FAM120C: variants seen among roughly 807,000 people sequenced by gnomAD.
FAM120C encodes the protein constitutive coactivator of PPAR-gamma-like protein 2.
A neutral mutation model predicts 71.2 loss-of-function variants in FAM120C; 14 were observed. The ratio of observed to expected loss-of-function variants is 0.20; its 90% confidence interval spans 0.13 to 0.31. The LOEUF (loss-of-function observed/expected upper bound fraction) is 0.31. Ranked by LOEUF, FAM120C falls within the 10% of genes least tolerant of loss-of-function variation. The probability of loss-of-function intolerance (pLI) is 1.00; values close to 1 mark genes in which losing one functional copy is unlikely to be tolerated. For missense variants in FAM120C, 500 were observed against 879.0 expected, an observed-to-expected ratio of 0.57 and a Z score of 5.45; for synonymous variants, 354 against 353.2, an observed-to-expected ratio of 1.00 and a Z score of -0.03.
chrX:54,177,860 G>A (rs1261539230), intron 1 of FAM120C, among the ~76,000 whole-genome samples: 2 of 111,516 alleles, frequency 1.8e-5, no homozygotes, highest in East Asian at 5.6e-4. Context: ...AAGAACTAGA[G>A]GGTTACAAGG....
At chrX:54,146,892 T>G (rs1035343182) in intron 4 of FAM120C, among the ~76,000 whole-genome samples, 1 of 109,609 alleles carries the variant, frequency 9.1e-6, no homozygotes, top group Non-Finnish European at 1.9e-5. Flanking sequence ...GAAAAGATAG[T>G]CTTTTCAACA....
intron 1 of FAM120C, among the ~76,000 whole-genome samples, chrX:54,166,163 A>G (rs1190358359): frequency 3.6e-5 from 4 of 111,888 alleles, no homozygotes; most frequent in African/African-American, 9.7e-5. Flanking sequence ...AAAGATGATC[A>G]AACTCACTGG....
intron 9 of FAM120C, among the ~76,000 whole-genome samples, chrX:54,129,012 C>T (rs1388543702): frequency 1.8e-3 from 196 of 110,393 alleles, no homozygotes; most frequent in African/African-American, 6.2e-3. Context: ...GGGTGGTGGC[C>T]GGGCAGAGGG....
At chrX:54,112,564 G>A (rs1281129843) in intron 10 of FAM120C, among the ~76,000 whole-genome samples, 3 of 111,076 alleles carry the variant, frequency 2.7e-5, no homozygotes, top group Non-Finnish European at 3.8e-5. Flanking sequence ...AATTAGGGCC[G>A]GGTGCGGTGG....
chrX:54,103,895 A>G (rs1000396452), intron 10 of FAM120C, among the ~76,000 whole-genome samples: 1 of 111,390 alleles, frequency 9.0e-6, no homozygotes, highest in African/African-American at 3.3e-5. Context: ...GTGAATGAAC[A>G]CTAGTTCTTA....
chrX:54,128,325 C>T (rs1569532590), intron 9 of FAM120C, among the ~76,000 whole-genome samples: 2 of 112,405 alleles, frequency 1.8e-5, no homozygotes, highest in Admixed American at 1.9e-4. Flanking sequence ...TCCCAAAGTG[C>T]TGGGATTACA....
intron 3 of FAM120C, among the ~76,000 whole-genome samples, chrX:54,156,872 G>GT (rs1307995959): frequency 6.9e-5 from 6 of 86,986 alleles, no homozygotes; most frequent in Non-Finnish European, 1.3e-4. Context: ...GGGTGACGGA[G>GT]TAAGACTTTG....
At chrX:54,148,210 T>C (rs1205917463) in intron 4 of FAM120C, among the ~76,000 whole-genome samples, 4 of 110,957 alleles carry the variant, frequency 3.6e-5, no homozygotes. Context: ...ACCAGATATC[T>C]GTCAGAGCAC....
chrX:54,167,561 CACTTA>C (rs1343892931), intron 1 of FAM120C, among the ~76,000 whole-genome samples: 6 of 111,346 alleles, frequency 5.4e-5, no homozygotes, highest in Admixed American at 4.8e-4. Context: ...CAAAGCAAGA[CACTTA>C]ACTTGTGAGA....
chrX:54,166,514 T>C lies in FAM120C; in HGVS notation c.700-6898A>G, dbSNP rs782496509. On this transcript the variant is annotated intron_variant, in intron 1 of 15. Transcript: ENST00000375180. The stretch of plus-strand genomic sequence containing the variant: ...TGAAGACTGGAAACAACCTAATTAA[T>C]TGCCCATCAATAAGGGACGAGTTAA... Among the ~76,000 whole-genome samples, 11 of 111,810 alleles carry C rather than the reference T, an allele frequency of 9.8e-5. No homozygotes were observed. The South Asian group carries it at 4.1e-3, about 42-fold the overall frequency.
intron 1 of FAM120C, among the ~76,000 whole-genome samples, chrX:54,172,654 A>AT (rs1265591436): frequency 8.9e-6 from 1 of 111,962 alleles, no homozygotes; most frequent in Non-Finnish European, 1.9e-5. Flanking sequence ...TAACACATAA[A>AT]TCATACCTAA....
chrX:54,108,207 G>A (rs782369124), intron 10 of FAM120C, among the ~76,000 whole-genome samples: 1 of 108,990 alleles, frequency 9.2e-6, no homozygotes, highest in African/African-American at 3.3e-5. Context: ...TATCTATCAA[G>A]TACCTAGAAA....
intron 3 of FAM120C, among the ~76,000 whole-genome samples, chrX:54,151,713 G>C (rs1168518291): frequency 2.7e-5 from 3 of 111,111 alleles, no homozygotes; most frequent in African/African-American, 9.8e-5. Context: ...ATTCTGATTT[G>C]AACTAATCAC....
Position 54,091,403 on chromosome X carries a change from C to T in FAM120C, c.2336G>A (p.Gly779Asp), listed in dbSNP as rs982853961. The T allele has an allele frequency of 2.5e-6, 3 of 1,205,945 alleles. No individual in the cohort carries two copies. Among genetic ancestry groups the T allele is most frequent in the Non-Finnish European group, 3.4e-6 (3 of 890,362 alleles). The change falls in exon 11 of 16, where the codon GGC becomes GAC. Residue 779 changes from glycine (G) to aspartate (D), a missense_variant. Around this residue, in one of 11 missense-constraint regions of FAM120C, gnomAD observed 104 missense variants for 254.5 expected, o/e 0.41. Coordinates refer to ENST00000375180, the MANE Select transcript of FAM120C (RefSeq NM_017848.6). ...VLRYMVQWPG[G>D]RILHRHELDT... ...TAGCTCATGGCGATGCAGGATTCGG[C>T]CACCAGGCCACTGAACCATGTACCT...
intron 10 of FAM120C, among the ~76,000 whole-genome samples, chrX:54,091,887 C>T (rs1386658887): frequency 1.8e-5 from 2 of 110,990 alleles, no homozygotes; most frequent in South Asian, 3.9e-4. Flanking sequence ...AAGCTAAGCA[C>T]GTTTGGAGTG....
At position 54,132,800 on chromosome X, in the gene FAM120C, G is replaced by T. The variant is rs1317034626; in HGVS notation, c.1954C>A (p.Leu652Ile). ...ECNMELPPAA[L>I]LFRSARQYVY... ...TATTGACGAGCTGACCGGAATAAGA[G>T]AGCAGCTGGAGGCAGCTCCATGTTA... is the stretch of plus-strand genomic sequence containing the variant. Residue 652 changes from leucine (L) to isoleucine (I), a missense_variant, in exon 9 of 16, where the codon CTC becomes ATC. Leu to Ile is a conservative substitution (Grantham distance 5, BLOSUM62 2). Around this residue, in one of 11 missense-constraint regions of FAM120C, gnomAD observed 104 missense variants for 254.5 expected, o/e 0.41. Transcript: ENST00000375180. The T allele has an allele frequency of 1.7e-6, 2 of 1,207,495 alleles. No homozygotes were observed. Among genetic ancestry groups the T allele is most frequent in the African/African-American group, 3.5e-5 (2 of 57,114 alleles).
rs1245899628 is a variant in FAM120C at position 54,070,640 on chromosome X, A to G, written c.*2393T>C. 8.9e-6 allele frequency: 1 copy of G among 111,824 alleles called. No individual in the cohort carries two copies. The highest frequency in any genetic ancestry group is 1.9e-5 in the Non-Finnish European group (1 of 53,171). 9.2% of individuals were successfully genotyped at this position (111,824 alleles called of 1,213,427 possible). ...TTCCAAGCCATGTAAATTTACTACT[A>G]TCCCTTCCTTTGCTGGATATAGAAG... On this transcript the variant is annotated 3_prime_UTR_variant, in exon 16 of 16. Transcript: ENST00000375180.
intron 1 of FAM120C, among the ~76,000 whole-genome samples, chrX:54,172,487 C>T: frequency 8.9e-6 from 1 of 112,411 alleles, no homozygotes. Context: ...TTGGGTCCAA[C>T]AGTTCTTAAC....
chrX:54,182,384 G>T, intron 1 of FAM120C, 116 bp downstream of exon 1: 1 of 896,341 alleles, frequency 1.1e-6, no homozygotes, highest in Non-Finnish European at 1.5e-6. Flanking sequence ...TGTTGGGCGG[G>T]TAGGTGGGTG....
Sources: allele counts gnomAD v4.1 joint callset (sites outside exome capture counted in the v4.1 genomes callset), GRCh38; gene constraint gnomAD v4.1.1; regional missense constraint gnomAD v4.1.1; transcripts MANE v1.5; gene names NCBI Gene and HGNC (gene_info 2026-07-23, HGNC 2026-07-21).